The following SDK1 variants were observed in gnomAD, a reference collection of about 807,000 sequenced individuals.
SDK1 encodes sidekick cell adhesion molecule 1.
SDK1 carries 157 observed loss-of-function variants against 245.5 expected under a neutral mutation model. That is an observed-to-expected ratio of 0.64 (90% confidence interval 0.56 to 0.73). The LOEUF (loss-of-function observed/expected upper bound fraction) is 0.73, where lower values mean the gene tolerates loss of function less well. SDK1 is among the 30% of genes least tolerant of loss of function. SDK1 has a pLI of 0.00. For synonymous variants in SDK1, 1,647 were observed against 1,278.5 expected, an observed-to-expected ratio of 1.29 and a Z score of -6.15; for missense variants, 3,583 against 3,002.3, an observed-to-expected ratio of 1.19 and a Z score of -4.52.
intron 4 of SDK1, among the ~76,000 whole-genome samples, chr7:3,720,703 A>G (rs1482700989): frequency 6.6e-6 from 1 of 152,210 alleles, no homozygotes; most frequent in African/African-American, 2.4e-5. Context: ...TCTGTGACCC[A>G]TGGGTGCTTA....
chr7:3,374,992 C>T (rs10258056), intron 1 of SDK1, among the ~76,000 whole-genome samples: 70,119 of 151,962 alleles, frequency 0.46, 18,374 homozygotes, highest in East Asian at 0.61. Flanking sequence ...GTATGTGCCA[C>T]ATAGTAGACA....
rs118043084 is a variant in SDK1, at chr7:3,847,606, A to C, written c.847+26023A>C. On this transcript the variant is annotated intron_variant, in intron 5 of 44. Coordinates refer to ENST00000404826, the MANE Select transcript of SDK1 (RefSeq NM_152744.4). ...TTGTTGACGCTGTCATGCTCTCATT[A>C]TCTCTCACTGGATTAATGCTCTCAG... is the stretch of plus-strand genomic sequence containing the variant. Among the ~76,000 whole-genome samples the C allele has an allele frequency of 8.5e-3, 1,291 of 152,260 alleles. 10 individuals carry two copies. Among genetic ancestry groups the C allele is most frequent in the Admixed American group, 0.012 (176 of 15,296 alleles).
chr7:3,883,321 A>C (rs1781252942), intron 5 of SDK1, among the ~76,000 whole-genome samples: 1 of 152,184 alleles, frequency 6.6e-6, no homozygotes, highest in Non-Finnish European at 1.5e-5. Flanking sequence ...GTCTCAATAG[A>C]ATTTATAAAG....
chr7:3,379,817 GC>G (rs35494634), intron 1 of SDK1, among the ~76,000 whole-genome samples: 117,844 of 152,048 alleles, frequency 0.78, 46,311 homozygotes, highest in African/African-American at 0.91. Context: ...AACTTCTTGA[GC>G]CACCTACATG....
At chr7:3,508,788 C>A (rs560875755) in intron 1 of SDK1, among the ~76,000 whole-genome samples, 20 of 152,282 alleles carry the variant, frequency 1.3e-4, no homozygotes, top group African/African-American at 4.6e-4. Flanking sequence ...CTGTTTATTT[C>A]CCTCACTAGG....
At chr7:4,053,852 C>T (rs1779035766) in intron 19 of SDK1, among the ~76,000 whole-genome samples, 2 of 152,120 alleles carry the variant, frequency 1.3e-5, no homozygotes, top group African/African-American at 4.8e-5. Context: ...TCTGCCTTTG[C>T]TCTGCTTTCT....
intron 1 of SDK1, among the ~76,000 whole-genome samples, chr7:3,520,956 C>G (rs1445134559): frequency 6.6e-6 from 1 of 152,192 alleles, no homozygotes; most frequent in East Asian, 1.9e-4. Context: ...TAAGGTATGG[C>G]TGCACTAAGC....
Position 4,233,373 on chromosome 7 carries a change from T to G in SDK1, c.5946T>G (p.Asn1982Lys). ...VTYEFRVVAVNEAGYGEPSNP... is the reference protein window; with the variant it reads ...VTYEFRVVAVKEAGYGEPSNP... ...ACGAGTTCCGGGTGGTGGCTGTGAA[T>G]GAGGCGGGCTACGGGGAGCCCAGCA... Residue 1982 changes from asparagine (N) to lysine (K), a missense_variant, in exon 41 of 45, where the codon AAT (asparagine) becomes AAG (lysine). Physicochemically the swap from Asn to Lys is moderately conservative, Grantham distance 94. Transcript: ENST00000404826. 1 of 1,613,678 alleles carries G rather than the reference T, an allele frequency of 6.2e-7. No individual in the cohort carries two copies. Among genetic ancestry groups the G allele is most frequent in the Non-Finnish European group, 8.5e-7 (1 of 1,180,026 alleles).
chr7:3,640,253 T>G (rs1172998657), intron 3 of SDK1, among the ~76,000 whole-genome samples: 1 of 152,262 alleles, frequency 6.6e-6, no homozygotes, highest in African/African-American at 2.4e-5. Flanking sequence ...TATATCATTA[T>G]AAACTTTAGA....
At chr7:3,314,819 C>T (rs1225924720) in intron 1 of SDK1, among the ~76,000 whole-genome samples, 1 of 152,070 alleles carries the variant, frequency 6.6e-6, no homozygotes, top group Non-Finnish European at 1.5e-5. Context: ...TTTAAACCCA[C>T]AATTGCTTTA....
At chr7:3,371,832 T>C (rs1381855403) in intron 1 of SDK1, among the ~76,000 whole-genome samples, 3 of 152,124 alleles carry the variant, frequency 2.0e-5, no homozygotes, top group Non-Finnish European at 4.4e-5. Flanking sequence ...AGAGTGTGAG[T>C]AAATAGCATA....
chr7:3,794,420 C>T (rs565366158), intron 4 of SDK1, among the ~76,000 whole-genome samples: 13 of 152,252 alleles, frequency 8.5e-5, no homozygotes, highest in African/African-American at 4.8e-5. Flanking sequence ...TGTTTATTCC[C>T]TCTGAATCTG....
chr7:3,584,645 C>G (rs769354339), intron 1 of SDK1, among the ~76,000 whole-genome samples: 1 of 152,084 alleles, frequency 6.6e-6, no homozygotes, highest in African/African-American at 2.4e-5. Context: ...AGAAGTCGCA[C>G]GTGCTTGGGC....
chr7:3,396,585 G>A lies in SDK1; in HGVS notation c.298+94701G>A, dbSNP rs1781901563. Among the ~76,000 whole-genome samples, 3 of 151,712 alleles carry A rather than the reference G, an allele frequency of 2.0e-5. No homozygotes were observed. In the South Asian group the frequency reaches 6.2e-4, roughly 32 times the overall value. The stretch of plus-strand genomic sequence containing the variant: ...TTATAAATTGTTATCTTTACCTGCT[G>A]AATTACCCTCTTATTATAAAATTTC... On this transcript the variant is annotated intron_variant, in intron 1 of 44. Coordinates refer to ENST00000404826, the MANE Select transcript of SDK1 (RefSeq NM_152744.4).
intron 9 of SDK1, among the ~76,000 whole-genome samples, chr7:3,964,563 C>G (rs6979226): frequency 1.4e-4 from 21 of 152,260 alleles, no homozygotes; most frequent in African/African-American, 4.8e-4. Flanking sequence ...CCTTGGCTCT[C>G]TGTCTTTGAA....
At chr7:3,688,926 T>C (rs903357191) in intron 4 of SDK1, among the ~76,000 whole-genome samples, 1 of 152,146 alleles carries the variant, frequency 6.6e-6, no homozygotes, top group Non-Finnish European at 1.5e-5. Context: ...CCCGACCCTA[T>C]GATGAATCAT....
chr7:4,245,723 A>C lies in SDK1; in HGVS notation c.6299A>C (p.Asp2100Ala). 1 of 1,614,022 alleles carries C rather than the reference A, an allele frequency of 6.2e-7. No homozygotes were observed. ...SPGGLHYSDE[D>A]ICNKYNGAVL... ...GGCGGCCTGCACTACTCAGACGAGG[A>C]CATCTGCAACAAGTACAACGGCGCC... Residue 2100 changes from aspartate to alanine, a missense_variant, in exon 44 of 45, where the codon GAC (aspartate) becomes GCC (alanine). Physicochemically the swap from Asp to Ala is moderately radical, Grantham distance 126. Transcript: ENST00000404826.
chr7:4,150,787 AG>A (rs1384767376), intron 30 of SDK1, among the ~76,000 whole-genome samples: 1 of 152,234 alleles, frequency 6.6e-6, no homozygotes, highest in Non-Finnish European at 1.5e-5. Flanking sequence ...ATGTGACAAC[AG>A]GGGGTTTCAA....
rs116078447 is a variant in SDK1, at chr7:3,756,927, T to C, written c.714-64523T>C. ...CCTGGCGATGCGAACCTTGACCCTT[T>C]GGTGAGGGTGGTGACAGTTAGGGTT... On this transcript the variant is annotated intron_variant, in intron 4 of 44. Transcript: ENST00000404826. Among the ~76,000 whole-genome samples the C allele has an allele frequency of 5.5e-3, 839 of 152,294 alleles. 10 individuals carry two copies. The highest frequency in any genetic ancestry group is 0.019 in the African/African-American group (806 of 41,570).
Sources: gnomAD v4.1 joint callset for allele counts (sites outside exome capture counted in the v4.1 genomes callset) on GRCh38, gnomAD v4.1.1 for gene constraint, MANE v1.5 for transcripts, NCBI Gene and HGNC (gene_info 2026-07-23, HGNC 2026-07-21) for gene names.